GRIP1: variants seen among roughly 807,000 people sequenced by gnomAD.
GRIP1 encodes the protein glutamate receptor-interacting protein 1.
GRIP1 carries 45 observed loss-of-function variants against 129.9 expected under a neutral mutation model. That is an observed-to-expected ratio of 0.35 (90% CI 0.27 to 0.44). The LOEUF is 0.44. Ranked by LOEUF, GRIP1 falls within the 20% of genes least tolerant of loss-of-function variation. The pLI, the probability that GRIP1 is intolerant of heterozygous loss-of-function variation, is 1.00. For missense variants in GRIP1, 1,196 were observed against 1,396.8 expected (o/e 0.86, Z 2.29); for synonymous variants, 530 against 520.8 (o/e 1.02, Z -0.24).
chr12:66,933,248 T>C (rs188500766), intron 1 of GRIP1, among the ~76,000 whole-genome samples: 1 of 152,314 alleles, frequency 6.6e-6, no homozygotes, highest in Admixed American at 6.5e-5. Flanking sequence ...TGACTAAGTA[T>C]GTACCTCTTC....
At chr12:66,403,045 C>A (rs1467618617) in intron 16 of GRIP1, among the ~76,000 whole-genome samples, 2 of 152,148 alleles carry the variant, frequency 1.3e-5, no homozygotes, top group African/African-American at 4.8e-5. Flanking sequence ...GAAAATGGGA[C>A]CAAATCTCAG....
At chr12:66,866,968 A>G (rs1347932110) in intron 1 of GRIP1, among the ~76,000 whole-genome samples, 2 of 152,132 alleles carry the variant, frequency 1.3e-5, no homozygotes, top group Non-Finnish European at 2.9e-5. Flanking sequence ...AGAATAGGGC[A>G]GTTATTTCAT....
intron 1 of GRIP1, among the ~76,000 whole-genome samples, chr12:66,815,878 CTCTT>C (rs1399963599): frequency 1.4e-5 from 2 of 140,338 alleles, no homozygotes; most frequent in African/African-American, 5.7e-5. Context: ...CTCTCTCTCT[CTCTT>C]TCTTTCTTTC....
chr12:66,819,026 C>T (rs975643927), intron 1 of GRIP1, among the ~76,000 whole-genome samples: 1 of 152,166 alleles, frequency 6.6e-6, no homozygotes, highest in Non-Finnish European at 1.5e-5. Context: ...ATGTCTTTTA[C>T]ATGTATTTAG....
At chr12:66,784,435 T>C (rs1477855886) in intron 1 of GRIP1, among the ~76,000 whole-genome samples, 2 of 152,194 alleles carry the variant, frequency 1.3e-5, no homozygotes, top group East Asian at 3.8e-4. Context: ...TTATATTCTC[T>C]TTTAGAGATG....
At chr12:66,429,747 A>G (rs1206253472) in intron 14 of GRIP1, among the ~76,000 whole-genome samples, 1 of 152,184 alleles carries the variant, frequency 6.6e-6, no homozygotes, top group Admixed American at 6.6e-5. Context: ...CTCTGTGTGT[A>G]AAGTAAATAA....
chr12:66,941,159 G>C (rs184332194), intron 1 of GRIP1, among the ~76,000 whole-genome samples: 1 of 144,050 alleles, frequency 6.9e-6, no homozygotes. Flanking sequence ...TAATTCATGT[G>C]ATTAAAAAAA....
At chr12:66,718,450 C>T (rs899144638) in intron 1 of GRIP1, among the ~76,000 whole-genome samples, 2 of 152,036 alleles carry the variant, frequency 1.3e-5, no homozygotes, top group African/African-American at 4.8e-5. Flanking sequence ...GAAAGAAATC[C>T]AAGCTGTAGT....
chr12:66,542,661 T>C (rs1019284441), intron 2 of GRIP1, among the ~76,000 whole-genome samples: 2 of 152,232 alleles, frequency 1.3e-5, no homozygotes, highest in African/African-American at 4.8e-5. Context: ...TCAACTCTTT[T>C]GATTTTAGTC....
At chr12:66,842,305 T>C (rs2137051960) in intron 1 of GRIP1, among the ~76,000 whole-genome samples, 1 of 152,158 alleles carries the variant, frequency 6.6e-6, no homozygotes, top group East Asian at 1.9e-4. Context: ...ATATATACAA[T>C]ATAGAATAAA....
At chr12:66,936,598 G>C (rs1346713832) in intron 1 of GRIP1, among the ~76,000 whole-genome samples, 1 of 152,074 alleles carries the variant, frequency 6.6e-6, no homozygotes, top group Non-Finnish European at 1.5e-5. Context: ...AGTCATTCTA[G>C]TGAATTATCA....
intron 1 of GRIP1, among the ~76,000 whole-genome samples, chr12:66,738,701 G>T (rs1466309210): frequency 6.6e-6 from 1 of 152,206 alleles, no homozygotes; most frequent in African/African-American, 2.4e-5. Context: ...TGATAGTCCA[G>T]GGGACAGTTG....
At chr12:66,453,923 C>T (rs763660732) in intron 11 of GRIP1, among the ~76,000 whole-genome samples, 12 of 152,184 alleles carry the variant, frequency 7.9e-5, no homozygotes, top group Admixed American at 2.6e-4. Flanking sequence ...AAATAATTTA[C>T]TCTAGTGTCA....
intron 1 of GRIP1, among the ~76,000 whole-genome samples, chr12:66,757,956 A>T (rs933294108): frequency 2.0e-5 from 3 of 152,210 alleles, no homozygotes; most frequent in Non-Finnish European, 4.4e-5. Flanking sequence ...ATTGATGCAT[A>T]AAAAATCTTA....
rs1592796917 is a variant in GRIP1 at position 66,411,291 on chromosome 12, A to G, written c.1839-4863T>C. On this transcript the variant is annotated intron_variant, in intron 15 of 24. Transcript: ENST00000359742. ...CTCCCAGAGGAAGGAGAAGGCTCCC[A>G]TCTTTGCTGTTTTGTAGCCTTTGCT... 5.3e-5 allele frequency among the ~76,000 whole-genome samples: 8 copies of G among 152,266 alleles called. No homozygotes were observed. The East Asian group carries it at 1.5e-3, about 29-fold the overall frequency.
intron 1 of GRIP1, among the ~76,000 whole-genome samples, chr12:66,624,801 T>A (rs1432845148): frequency 1.3e-5 from 2 of 152,190 alleles, no homozygotes; most frequent in African/African-American, 4.8e-5. Flanking sequence ...TCATAGTTAA[T>A]TATTTCATTT....
intron 1 of GRIP1, among the ~76,000 whole-genome samples, chr12:67,046,650 C>G (rs1305028826): frequency 1.3e-5 from 2 of 151,940 alleles, no homozygotes; most frequent in Non-Finnish European, 2.9e-5. Flanking sequence ...TAATTCAAAC[C>G]TATTTTCAAG....
At chr12:66,947,559 A>G (rs979540320) in intron 1 of GRIP1, among the ~76,000 whole-genome samples, 2 of 152,238 alleles carry the variant, frequency 1.3e-5, no homozygotes, top group African/African-American at 4.8e-5. Context: ...ATGCTGCTTC[A>G]TGAGTTTAGC....
intron 1 of GRIP1, among the ~76,000 whole-genome samples, chr12:66,704,486 G>T (rs978850864): frequency 6.6e-6 from 1 of 151,836 alleles, no homozygotes; most frequent in Non-Finnish European, 1.5e-5. Context: ...AAACAGTGGG[G>T]GTAAAGAATC....
Sources: gnomAD v4.1 joint callset for allele counts (sites outside exome capture counted in the v4.1 genomes callset) on GRCh38, gnomAD v4.1.1 for gene constraint, MANE v1.5 for transcripts, NCBI Gene and HGNC (gene_info 2026-07-23, HGNC 2026-07-21) for gene names.